XPO7: variants seen among roughly 807,000 people sequenced by gnomAD.
The protein encoded by XPO7 is exportin-7.
A neutral mutation model predicts 144.3 loss-of-function variants in XPO7; 21 were observed. The observed-to-expected ratio is 0.15, with a 90% CI of 0.10 to 0.21. The LOEUF (loss-of-function observed/expected upper bound fraction) is 0.21. Ranked by LOEUF, XPO7 falls within the 10% of genes least tolerant of loss-of-function variation. The pLI is 1.00. For synonymous variants in XPO7, 580 were observed against 499.6 expected, an observed-to-expected ratio of 1.16 and a Z score of -2.15; for missense variants, 808 against 1,325.8, an observed-to-expected ratio of 0.61 and a Z score of 6.06.
chr8:21,936,850 A>G (rs1438660310), intron 1 of XPO7, among the ~76,000 whole-genome samples: 1 of 152,148 alleles, frequency 6.6e-6, no homozygotes, highest in Middle Eastern at 3.2e-3. Flanking sequence ...TCATTTGAAA[A>G]AGAGGAATAA....
At chr8:21,936,796 C>T (rs1388808442) in intron 1 of XPO7, among the ~76,000 whole-genome samples, 3 of 151,470 alleles carry the variant, frequency 2.0e-5, no homozygotes, top group African/African-American at 7.2e-5. Flanking sequence ...GAAACACTCA[C>T]TCCTTTATAG....
At chr8:21,980,545 G>C (rs966184530) in intron 9 of XPO7, among the ~76,000 whole-genome samples, 3 of 152,164 alleles carry the variant, frequency 2.0e-5, no homozygotes, top group Admixed American at 2.0e-4. Flanking sequence ...GCCAAGGTGG[G>C]CAGATCACTT....
At chr8:21,949,584 A>G (rs1024137434) in intron 1 of XPO7, among the ~76,000 whole-genome samples, 3 of 152,222 alleles carry the variant, frequency 2.0e-5, no homozygotes, top group African/African-American at 7.2e-5. Flanking sequence ...AATATGGTGA[A>G]CATTATGGGA....
chr8:21,986,545 C>T (rs1812585458), intron 13 of XPO7, among the ~76,000 whole-genome samples: 2 of 152,184 alleles, frequency 1.3e-5, no homozygotes, highest in African/African-American at 4.8e-5. Flanking sequence ...TCCCTTAATC[C>T]TGACAAAAGT....
In XPO7 at chr8:22,003,920, A is replaced by G. The variant is rs1342997448; in HGVS notation, c.3060A>G (p.Arg1020=). The change falls in exon 27 of 28, where the codon AGA becomes AGG. Residue 1020 remains arginine, a synonymous_variant. Coordinates refer to ENST00000252512, the MANE Select transcript of XPO7 (RefSeq NM_015024.5). ...LLNEKYFSDL[R]NSIVNSQPPE... is the part of the protein sequence containing the mutation. ...CCCCACAGTATTTTTCTGACCTAAG[A>G]AACAGTATTGTGAACAGCCAGCCAC... 6.2e-7 allele frequency: 1 copy of G among 1,613,914 alleles called. No individual in the cohort carries two copies. The highest frequency in any genetic ancestry group is 2.2e-5 in the East Asian group (1 of 44,886).
chr8:22,004,889 A>T, intron 27 of XPO7, 106 bp from the exon 28 acceptor site: 1 of 611,892 alleles, frequency 1.6e-6, no homozygotes, highest in Non-Finnish European at 2.8e-6. Flanking sequence ...AACAGAACCC[A>T]TCAATTCATA....
rs1402393087 is a variant in XPO7, at chr8:21,969,405, C to T, written c.166-78C>T. 4 of 1,233,340 alleles carry T rather than the reference C, an allele frequency of 3.2e-6. No individual in the cohort carries two copies. The East Asian group carries it at 7.4e-5, about 23-fold the overall frequency. The allele number at this position is 1,233,340 out of a possible 1,614,324, so 76.4% of individuals were successfully genotyped here. The stretch of plus-strand genomic sequence containing the variant: ...CTGATTGCCTTTTCTTGAATCTGAG[C>T]AGAGATCTCCAAGTTAAAAACCTTG... On this transcript the variant is annotated intron_variant, in intron 2 of 27. Transcript: ENST00000252512.
At chr8:21,982,538 T>TC in intron 10 of XPO7, 102 bp from the exon 11 acceptor site, 1 of 1,346,382 alleles carries the variant, frequency 7.4e-7, no homozygotes, top group Non-Finnish European at 9.8e-7. Context: ...TATCCTCTTT[T>TC]TTTAAAAAAA....
At chr8:21,945,202 A>G (rs904643652) in intron 1 of XPO7, among the ~76,000 whole-genome samples, 1 of 152,062 alleles carries the variant, frequency 6.6e-6, no homozygotes, top group African/African-American at 2.4e-5. Flanking sequence ...GGCGCCCCCC[A>G]CCTCCCAGAC....
At chr8:21,948,180 T>G (rs1246304389) in intron 1 of XPO7, among the ~76,000 whole-genome samples, 1 of 152,238 alleles carries the variant, frequency 6.6e-6, no homozygotes, top group South Asian at 2.1e-4. Flanking sequence ...AATGCAGTCA[T>G]GCACTGAATA....
intron 3 of XPO7, 27 bp from the exon 4 acceptor site, chr8:21,970,117 G>T: frequency 6.2e-7 from 1 of 1,600,614 alleles, no homozygotes; most frequent in Non-Finnish European, 8.5e-7. Flanking sequence ...ATGTGGATTG[G>T]TTTTGTTTCT....
At position 22,002,488 on chromosome 8, in the gene XPO7, C is replaced by T. The variant is rs145121812; in HGVS notation, c.2943+216C>T. Among the ~76,000 whole-genome samples the T allele has an allele frequency of 3.7e-3, 561 of 152,298 alleles. 2 individuals are homozygous for T. Among genetic ancestry groups the T allele is most frequent in the African/African-American group, 0.013 (535 of 41,560 alleles). On this transcript the variant is annotated intron_variant, in intron 25 of 27. Transcript: ENST00000252512. ...GGTTCTGGATTATTCTTCTGAGTGT[C>T]ACAGTGATCCCTATGCCCTGGACCT...
At chr8:21,927,942 A>T (rs1303882145) in intron 1 of XPO7, among the ~76,000 whole-genome samples, 1 of 152,218 alleles carries the variant, frequency 6.6e-6, no homozygotes, top group Non-Finnish European at 1.5e-5. Context: ...ACTGTTGTGT[A>T]AATCTGTTGC....
At chr8:22,003,735 G>A (rs1006080979) in intron 26 of XPO7, among the ~76,000 whole-genome samples, 168 bp from the exon 27 acceptor site, 7 of 152,172 alleles carry the variant, frequency 4.6e-5, no homozygotes, top group African/African-American at 1.7e-4. Context: ...GTAGGATGAA[G>A]CCATATTATC....
intron 1 of XPO7, among the ~76,000 whole-genome samples, chr8:21,941,637 A>C (rs1232546101): frequency 6.6e-6 from 1 of 152,266 alleles, no homozygotes; most frequent in Admixed American, 6.5e-5. Flanking sequence ...TGAGTCCATT[A>C]GTACAGAACC....
At chr8:21,948,007 C>G (rs1240463315) in intron 1 of XPO7, among the ~76,000 whole-genome samples, 1 of 152,128 alleles carries the variant, frequency 6.6e-6, no homozygotes, top group Non-Finnish European at 1.5e-5. Context: ...ATTTGAAAAC[C>G]AGAGAGACCA....
chr8:21,919,735 G>T lies in XPO7; in HGVS notation c.-36G>T, dbSNP rs1810197020. On this transcript the variant is annotated 5_prime_UTR_variant, in exon 1 of 28. Coordinates refer to ENST00000252512, the MANE Select transcript of XPO7 (RefSeq NM_015024.5). ...CTCCGGCCGAGGTGCGCGCTGGGGG[G>T]GAGGGGGGGCCGGAGAGGAGCATGA... 5.1e-6 allele frequency: 2 copies of T among 389,860 alleles called. No homozygotes were observed. Among genetic ancestry groups the T allele is most frequent in the Non-Finnish European group, 7.6e-6 (2 of 263,662 alleles). The allele number at this position is 389,860 out of a possible 1,614,324, so 24.2% of individuals were successfully genotyped here.
rs1749189235 is a variant in XPO7 at position 21,990,792 on chromosome 8, C to T, written c.1933-19C>T. ...TAACTCATGTTTTTACCTTTAACTT[C>T]TTTTCTTTTTTTCAATAGAGCGAGC... On this transcript the variant is annotated intron_variant, in intron 17 of 27. Coordinates refer to ENST00000252512, the MANE Select transcript of XPO7 (RefSeq NM_015024.5). 6.2e-7 allele frequency: 1 copy of T among 1,612,260 alleles called. No homozygotes were observed. The highest frequency in any genetic ancestry group is 8.5e-7 in the Non-Finnish European group (1 of 1,178,754).
intron 4 of XPO7, among the ~76,000 whole-genome samples, chr8:21,970,702 A>T (rs1029779550): frequency 2.0e-5 from 3 of 152,226 alleles, no homozygotes; most frequent in Admixed American, 2.0e-4. Context: ...GATATTTCCA[A>T]GTTATCCTCA....
Sources: gnomAD v4.1 joint callset for allele counts (sites outside exome capture counted in the v4.1 genomes callset) on GRCh38, gnomAD v4.1.1 for gene constraint, MANE v1.5 for transcripts, NCBI Gene and HGNC (gene_info 2026-07-23, HGNC 2026-07-21) for gene names.